DCUN1D5: variants seen among roughly 807,000 people sequenced by gnomAD.
DCUN1D5 encodes defective in cullin neddylation 1 domain containing 5.
Under a neutral mutation model 38.3 loss-of-function variants are expected in DCUN1D5, and 10 were observed. The observed-to-expected ratio is 0.26, with a 90% CI of 0.16 to 0.44. The LOEUF is 0.44. Among genes scored for constraint, DCUN1D5 ranks in the 20% least tolerant of loss-of-function variants. The pLI, the probability that DCUN1D5 is intolerant of heterozygous loss-of-function variation, is 1.00. For synonymous variants in DCUN1D5, 93 were observed against 90.9 expected, an observed-to-expected ratio of 1.02 and a Z score of -0.13; for missense variants, 148 against 275.3, an observed-to-expected ratio of 0.54 and a Z score of 3.27.
Position 103,061,690 on chromosome 11 carries a change from T to TACA in DCUN1D5, c.*666_*668dup, listed in dbSNP as rs954714768. Among the ~76,000 whole-genome samples the TACA allele has an allele frequency of 9.9e-5, 15 of 151,222 alleles. 1 individual carries two copies. In the East Asian group the frequency reaches 2.9e-3, roughly 29 times the overall value. On this transcript the variant is annotated 3_prime_UTR_variant, in exon 8 of 8. Transcript: ENST00000260247. ...CTATTATCAACAATAATAATGATGA[T>TACA]ACAACTTAATAATACAACTTTTTTA...
chr11:103,079,628 A>C (rs1001742034), intron 4 of DCUN1D5, among the ~76,000 whole-genome samples: 1 of 151,572 alleles, frequency 6.6e-6, no homozygotes, highest in Non-Finnish European at 1.5e-5. Flanking sequence ...TGTCTCTCAA[A>C]AAAAAAATAG....
Position 103,083,379 on chromosome 11 carries a change from T to G in DCUN1D5, c.179-53A>C. On this transcript the variant is annotated intron_variant, in intron 2 of 7. Coordinates refer to ENST00000260247, the MANE Select transcript of DCUN1D5 (RefSeq NM_032299.4). The surrounding 1 kb of genome is among the most constrained non-coding windows in gnomAD (Gnocchi z 4.4). ...TTTGTTATAATATCAACATAAAACA[T>G]AAATCGTCATGCTAAAGGTACCCAT... 1 of 1,017,698 alleles carries G rather than the reference T, an allele frequency of 9.8e-7. No individual in the cohort carries two copies. Among genetic ancestry groups the G allele is most frequent in the South Asian group, 1.3e-5 (1 of 74,502 alleles). 63.0% of individuals were successfully genotyped at this position (1,017,698 alleles called of 1,614,324 possible). A position where few individuals can be genotyped will look rare whatever the true frequency, so the allele number is the denominator to read the frequency against.
rs1225861531 is a variant in DCUN1D5 at position 103,086,087 on chromosome 11, C to A, written c.179-2761G>T. 6.6e-6 allele frequency among the ~76,000 whole-genome samples: 1 copy of A among 152,066 alleles called. No homozygotes were observed. The highest frequency in any genetic ancestry group is 1.9e-4 in the East Asian group (1 of 5,176). ...ATTTTCAAAACTAAAAGAAAAACAC[C>A]ATCAATTTCCTGATTTCTTTATAAC... On this transcript the variant is annotated intron_variant, in intron 2 of 7. Coordinates refer to ENST00000260247, the MANE Select transcript of DCUN1D5 (RefSeq NM_032299.4). The surrounding 1 kb of genome is among the most constrained non-coding windows in gnomAD (Gnocchi z 4.1).
At position 103,087,622 on chromosome 11, in the gene DCUN1D5, C is replaced by CG. The variant is rs1482990390; in HGVS notation, c.178+1604dup. Reference sequence around the variant, plus strand: ...CCATGATCACAGCACTGCGCTCCAGCGTGGGCGACACAGTGAGACCCTGTC... The same window carrying CG: ...CCATGATCACAGCACTGCGCTCCAGCGGTGGGCGACACAGTGAGACCCTGTC... On this transcript the variant is annotated intron_variant, in intron 2 of 7. Coordinates refer to ENST00000260247, the MANE Select transcript of DCUN1D5 (RefSeq NM_032299.4). The surrounding 1 kb of genome is among the most constrained non-coding windows in gnomAD (Gnocchi z 4.1). Among the ~76,000 whole-genome samples the CG allele has an allele frequency of 6.6e-6, 1 of 152,124 alleles. No individual in the cohort carries two copies. The highest frequency in any genetic ancestry group is 1.9e-4 in the East Asian group (1 of 5,182).
chr11:103,072,695 G>C (rs867777938), intron 4 of DCUN1D5, among the ~76,000 whole-genome samples: 1 of 148,354 alleles, frequency 6.7e-6, no homozygotes, highest in South Asian at 2.1e-4. Flanking sequence ...TCACTCATAG[G>C]TGGGAACTGA....
At chr11:103,068,186 GACCAATCTT>G (rs769895322) in intron 4 of DCUN1D5, among the ~76,000 whole-genome samples, 35 of 151,374 alleles carry the variant, frequency 2.3e-4, no homozygotes, top group Non-Finnish European at 4.7e-4. Flanking sequence ...TGTTTTTCTT[GACCAATCTT>G]ACCAGAATTT....
rs545898212 is a variant in DCUN1D5, at chr11:103,053,773, T to C, written c.*8586A>G. ...ATCTATTATGTATCAATGAAAAAAA[T>C]GTATCTGAGTGGTTCAATTTTTCCA... On this transcript the variant is annotated 3_prime_UTR_variant, in exon 8 of 8. Coordinates refer to ENST00000260247, the MANE Select transcript of DCUN1D5 (RefSeq NM_032299.4). This position sits in a 1 kb window ranked among gnomAD's most constrained non-coding sequence, Gnocchi z 4.8. 6.6e-5 allele frequency: 10 copies of C among 152,074 alleles called. No individual in the cohort carries two copies. Among genetic ancestry groups the C allele is most frequent in the African/African-American group, 2.2e-4 (9 of 41,496 alleles). The allele number at this position is 152,074 out of a possible 1,614,324, so 9.4% of individuals were successfully genotyped here. A position where few individuals can be genotyped will look rare whatever the true frequency, so the allele number is the denominator to read the frequency against.
In DCUN1D5 at chr11:103,057,403, T is replaced by C. The variant is rs1011217877; in HGVS notation, c.*4956A>G. Among the ~76,000 whole-genome samples the C allele has an allele frequency of 5.3e-5, 8 of 152,098 alleles. No homozygotes were observed. Among genetic ancestry groups the C allele is most frequent in the Non-Finnish European group, 8.8e-5 (6 of 67,996 alleles). ...GCTTTTATCTGTGATCTATTTTCTATGTGAAAAAGTTAATTATTTCCCAGG... is the reference window on the plus strand; with the variant it reads ...GCTTTTATCTGTGATCTATTTTCTACGTGAAAAAGTTAATTATTTCCCAGG... On this transcript the variant is annotated 3_prime_UTR_variant, in exon 8 of 8. Coordinates refer to ENST00000260247, the MANE Select transcript of DCUN1D5 (RefSeq NM_032299.4). This position sits in a 1 kb window ranked among gnomAD's most constrained non-coding sequence, Gnocchi z 4.8.
In DCUN1D5 at chr11:103,055,198, G is replaced by C. The variant is rs889648667; in HGVS notation, c.*7161C>G. 6.6e-6 allele frequency: 1 copy of C among 152,074 alleles called. No individual in the cohort carries two copies. Among genetic ancestry groups the C allele is most frequent in the Admixed American group, 6.5e-5 (1 of 15,268 alleles). 9.4% of individuals were successfully genotyped at this position (152,074 alleles called of 1,614,324 possible). A position where few individuals can be genotyped will look rare whatever the true frequency, so the allele number is the denominator to read the frequency against. On this transcript the variant is annotated 3_prime_UTR_variant, in exon 8 of 8. Coordinates refer to ENST00000260247, the MANE Select transcript of DCUN1D5 (RefSeq NM_032299.4). Reference sequence around the variant, plus strand: ...ACTGTGACCCATCATATGAGGTCAGGTGTGGAATTTTCCACTTGTGGCATC... The same window carrying C: ...ACTGTGACCCATCATATGAGGTCAGCTGTGGAATTTTCCACTTGTGGCATC...
rs1468257859 is a variant in DCUN1D5, at chr11:103,052,894, G to A, written c.*9465C>T. 1.3e-5 allele frequency: 2 copies of A among 152,098 alleles called. No homozygotes were observed. The highest frequency in any genetic ancestry group is 4.8e-5 in the African/African-American group (2 of 41,408). The allele number at this position is 152,098 out of a possible 1,614,324, so 9.4% of individuals were successfully genotyped here. A position where few individuals can be genotyped will look rare whatever the true frequency, so the allele number is the denominator to read the frequency against. ...GTCAAGGTGCAAATGTGCAAGTAGT[G>A]GTTTTTAAAACCTGCTATTCAGAGA... On this transcript the variant is annotated 3_prime_UTR_variant, in exon 8 of 8. Transcript: ENST00000260247.
intron 2 of DCUN1D5, among the ~76,000 whole-genome samples, chr11:103,089,003 G>C (rs1341017686): frequency 2.0e-5 from 3 of 152,084 alleles, no homozygotes; most frequent in African/African-American, 7.2e-5. Flanking sequence ...AATAGTAAAT[G>C]AGTTCTTCCC....
rs921800252 is a variant in DCUN1D5, at chr11:103,086,642, C to G, written c.178+2585G>C. 2.0e-5 allele frequency among the ~76,000 whole-genome samples: 3 copies of G among 152,162 alleles called. No homozygotes were observed. Among genetic ancestry groups the G allele is most frequent in the African/African-American group, 7.2e-5 (3 of 41,428 alleles). On this transcript the variant is annotated intron_variant, in intron 2 of 7. Coordinates refer to ENST00000260247, the MANE Select transcript of DCUN1D5 (RefSeq NM_032299.4). The surrounding 1 kb of genome is among the most constrained non-coding windows in gnomAD (Gnocchi z 4.1). ...GCCTACATACCTGTTTACTGACTGT[C>G]TTCCTCACCAGAAGGCAAGTCCCCC...
chr11:103,068,382 T>C (rs1862187070), intron 4 of DCUN1D5, among the ~76,000 whole-genome samples: 1 of 152,110 alleles, frequency 6.6e-6, no homozygotes, highest in Admixed American at 6.5e-5. Context: ...CAGGTGAATG[T>C]TCATTGCAGC....
At position 103,059,614 on chromosome 11, in the gene DCUN1D5, T is replaced by C. The variant is rs921859540; in HGVS notation, c.*2745A>G. On this transcript the variant is annotated 3_prime_UTR_variant, in exon 8 of 8. Coordinates refer to ENST00000260247, the MANE Select transcript of DCUN1D5 (RefSeq NM_032299.4). ...TAAGAAATAAGAAATCATTAGACAA[T>C]AGAAGACAAACATGGTAATGCAGTC... 6.6e-6 allele frequency among the ~76,000 whole-genome samples: 1 copy of C among 152,044 alleles called. No individual in the cohort carries two copies. Among genetic ancestry groups the C allele is most frequent in the African/African-American group, 2.4e-5 (1 of 41,408 alleles).
intron 1 of DCUN1D5, among the ~76,000 whole-genome samples, chr11:103,090,422 C>T (rs17099929): frequency 0.063 from 9,544 of 152,164 alleles, 554 homozygotes; most frequent in Admixed American, 0.19. Context: ...AAAAAGTCGA[C>T]CAATTACAAA....
In DCUN1D5 at chr11:103,065,840, G is replaced by A. The variant is rs946613181; in HGVS notation, c.555+429C>T. On this transcript the variant is annotated intron_variant, in intron 6 of 7. Transcript: ENST00000260247. The surrounding 1 kb of genome is among the most constrained non-coding windows in gnomAD (Gnocchi z 4.6). ...GCTTTATTCTGTTTCTTTAGATTGAGCCTAAGTAGAAAAGGAAAGTTTTAT... is the reference window on the plus strand; with the variant it reads ...GCTTTATTCTGTTTCTTTAGATTGAACCTAAGTAGAAAAGGAAAGTTTTAT... Among the ~76,000 whole-genome samples the A allele has an allele frequency of 6.6e-6, 1 of 152,024 alleles. No homozygotes were observed.
At position 103,064,074 on chromosome 11, in the gene DCUN1D5, ACATTT is replaced by A; in HGVS notation, c.658+196_658+200del. 6.6e-6 allele frequency among the ~76,000 whole-genome samples: 1 copy of A among 152,266 alleles called. No individual in the cohort carries two copies. The highest frequency in any genetic ancestry group is 1.9e-4 in the East Asian group (1 of 5,186). ...ATGTTTGGTTGCCGAGGAACTGAAA[ACATTT>A]CATTTACCAGCATAGATTTTATATA... On this transcript the variant is annotated intron_variant, in intron 7 of 7. Coordinates refer to ENST00000260247, the MANE Select transcript of DCUN1D5 (RefSeq NM_032299.4). This position sits in a 1 kb window ranked among gnomAD's most constrained non-coding sequence, Gnocchi z 4.5.
chr11:103,091,923 T>G lies in DCUN1D5; in HGVS notation c.-51A>C. ...CAGGGGAGCCGGGGAAGGGGGTCCC[T>G]GTCCGCTGGAAGCCCCTCAGCGCTG... On this transcript the variant is annotated 5_prime_UTR_variant, in exon 1 of 8. Coordinates refer to ENST00000260247, the MANE Select transcript of DCUN1D5 (RefSeq NM_032299.4). The surrounding 1 kb of genome is among the most constrained non-coding windows in gnomAD (Gnocchi z 4.3). The G allele has an allele frequency of 6.5e-7, 1 of 1,541,152 alleles. No individual in the cohort carries two copies. The highest frequency in any genetic ancestry group is 8.8e-7 in the Non-Finnish European group (1 of 1,131,368).
chr11:103,064,393 A>G lies in DCUN1D5; in HGVS notation c.556-16T>C, dbSNP rs1862084858. The G allele has an allele frequency of 6.4e-7, 1 of 1,553,050 alleles. No individual in the cohort carries two copies. The highest frequency in any genetic ancestry group is 8.8e-7 in the Non-Finnish European group (1 of 1,141,082). On this transcript the variant is annotated splice_polypyrimidine_tract_variant and intron_variant, in intron 6 of 7. Coordinates refer to ENST00000260247, the MANE Select transcript of DCUN1D5 (RefSeq NM_032299.4). The surrounding 1 kb of genome is among the most constrained non-coding windows in gnomAD (Gnocchi z 4.5). ...ACTTTGATTGCTGCAAAAATGATTT[A>G]AATATTTGTATTTAAATATTTAAAC...
Sources: gnomAD v4.1 joint callset for allele counts (sites outside exome capture counted in the v4.1 genomes callset) on GRCh38, gnomAD v4.1.1 for gene constraint, Gnocchi (gnomAD v3.1) non-coding constraint, MANE v1.5 for transcripts, NCBI Gene and HGNC (gene_info 2026-07-23, HGNC 2026-07-21) for gene names.